Variants in NID1 observed in about 807,000 individuals in gnomAD.
NID1 encodes the protein nidogen-1.
A neutral mutation model predicts 130.6 loss-of-function variants in NID1; 76 were observed. That is an observed-to-expected ratio of 0.58 (90% CI 0.48 to 0.70). The LOEUF (loss-of-function observed/expected upper bound fraction) is 0.70, where lower values mean the gene tolerates loss of function less well. NID1 is among the 30% of genes least tolerant of loss of function. The pLI, the probability that NID1 is intolerant of heterozygous loss-of-function variation, is 0.00. For synonymous variants in NID1, 665 were observed against 675.1 expected (o/e 0.98, Z 0.23); for missense variants, 1,517 against 1,664.8 (o/e 0.91, Z 1.54).
chr1:236,059,245 G>A (rs1338191123), intron 1 of NID1, among the ~76,000 whole-genome samples: 1 of 152,104 alleles, frequency 6.6e-6, no homozygotes, highest in Non-Finnish European at 1.5e-5. Flanking sequence ...AATGTTTTTT[G>A]GGATGGCTTC....
At chr1:235,980,144 C>A (rs1231461348) in intron 17 of NID1, among the ~76,000 whole-genome samples, 199 bp from the exon 18 acceptor site, 1 of 152,158 alleles carries the variant, frequency 6.6e-6, no homozygotes, top group Admixed American at 6.6e-5. Context: ...GAGGCACGAG[C>A]CAGGGCAGAC....
At chr1:236,032,956 G>A (rs1659143231) in intron 5 of NID1, among the ~76,000 whole-genome samples, 1 of 152,158 alleles carries the variant, frequency 6.6e-6, no homozygotes, top group South Asian at 2.1e-4. Context: ...AATTTCAGAA[G>A]AAGAAGAATA....
At chr1:236,035,736 C>T (rs1007633912) in intron 5 of NID1, among the ~76,000 whole-genome samples, 4 of 152,168 alleles carry the variant, frequency 2.6e-5, no homozygotes, top group African/African-American at 9.7e-5. Context: ...TCCATACGCC[C>T]AAACGGCTCA....
intron 3 of NID1, among the ~76,000 whole-genome samples, 164 bp downstream of exon 3, chr1:236,045,293 A>G (rs184762332): frequency 6.2e-4 from 95 of 152,208 alleles, no homozygotes; most frequent in Non-Finnish European, 8.5e-4. Context: ...CTAAAAATAC[A>G]TTTCCTTAAG....
In NID1 at chr1:236,032,465, T is replaced by C. The variant is rs139667247; in HGVS notation, c.1473A>G (p.Gly491=). ...GYSLLPLAPV[G]GIIGWMFAVE... ...CTGCAAACATCCATCCAATGATGCC[T>C]CCAACTGGGGCCAGTGGAAGCAGAG... The change falls in exon 6 of 20, where the codon GGA becomes GGG. Residue 491 remains glycine (G), a synonymous_variant. Transcript: ENST00000264187. 2.5e-6 allele frequency: 4 copies of C among 1,614,150 alleles called. No individual in the cohort carries two copies. In the African/African-American group the frequency reaches 5.3e-5, roughly 22 times the overall value.
In NID1 at chr1:236,059,275, C is replaced by T. The variant is rs150354320; in HGVS notation, c.225+5580G>A. Among the ~76,000 whole-genome samples the T allele has an allele frequency of 5.9e-3, 898 of 152,034 alleles. 10 individuals carry two copies. The highest frequency in any genetic ancestry group is 0.02 in the African/African-American group (836 of 41,448). ...GGCTTCAAAGTTAGTGACTGGGTAG[C>T]TACAAAAAGCTGGAAAACAAAATGA... is the stretch of plus-strand genomic sequence containing the variant. On this transcript the variant is annotated intron_variant, in intron 1 of 19. Transcript: ENST00000264187.
chr1:236,026,603 A>G (rs1658937050), intron 7 of NID1, among the ~76,000 whole-genome samples: 1 of 152,270 alleles, frequency 6.6e-6, no homozygotes, highest in Non-Finnish European at 1.5e-5. Context: ...ATGTATGTGC[A>G]ATTTCTGGAA....
At chr1:236,064,699 C>G in intron 1 of NID1, 156 bp downstream of exon 1, 2 of 692,118 alleles carry the variant, frequency 2.9e-6, no homozygotes, top group Non-Finnish European at 5.0e-6. Context: ...CCTTCGCGGA[C>G]CCTGCAGAGG....
chr1:235,995,222 T>C (rs952246336), intron 12 of NID1, among the ~76,000 whole-genome samples: 1 of 152,244 alleles, frequency 6.6e-6, no homozygotes, highest in Non-Finnish European at 1.5e-5. Context: ...TCCTAAACAA[T>C]ACAACAACTT....
chr1:236,038,220 C>T lies in NID1; in HGVS notation c.1169G>A (p.Cys390Tyr). Residue 390 changes from cysteine (C) to tyrosine (Y), a missense_variant, in exon 5 of 20, where the codon TGT becomes TAT. By Grantham distance (194) the Cys-to-Tyr change is radical (BLOSUM62 -2). Transcript: ENST00000264187. ...CGAGCACTGGTGTCTGTTGTTAGCACACGTCTGGCGGGAATCCGTGTTATA... is the reference window on the plus strand; with the variant it reads ...CGAGCACTGGTGTCTGTTGTTAGCATACGTCTGGCGGGAATCCGTGTTATA... ...FSYNTDSRQT[C>Y]ANNRHQCSVH... The T allele has an allele frequency of 1.2e-6, 2 of 1,613,586 alleles. No individual in the cohort carries two copies. The highest frequency in any genetic ancestry group is 2.2e-5 in the South Asian group (2 of 91,036).
At chr1:236,005,531 C>A (rs1658223884) in intron 12 of NID1, among the ~76,000 whole-genome samples, 1 of 152,162 alleles carries the variant, frequency 6.6e-6, no homozygotes. Context: ...ATTTACCTTA[C>A]ATTTTGCTAT....
intron 12 of NID1, among the ~76,000 whole-genome samples, chr1:236,002,694 TC>T (rs1308986058): frequency 2.0e-5 from 3 of 152,136 alleles, no homozygotes; most frequent in Non-Finnish European, 4.4e-5. Context: ...CCTTTGTGCT[TC>T]CTGGGGTTAG....
At chr1:236,043,685 C>G (rs1021502416) in intron 3 of NID1, among the ~76,000 whole-genome samples, 6 of 152,072 alleles carry the variant, frequency 3.9e-5, no homozygotes, top group African/African-American at 1.4e-4. Flanking sequence ...GTAGTCCCAG[C>G]TGCTCGGGAC....
intron 7 of NID1, among the ~76,000 whole-genome samples, chr1:236,028,689 T>C (rs1163851323): frequency 7.1e-6 from 1 of 140,780 alleles, no homozygotes; most frequent in Admixed American, 6.9e-5. Flanking sequence ...TCAGTATACA[T>C]ATATATATAT....
At chr1:236,054,338 C>T (rs1015507417) in intron 1 of NID1, among the ~76,000 whole-genome samples, 3 of 152,086 alleles carry the variant, frequency 2.0e-5, no homozygotes, top group African/African-American at 7.2e-5. Flanking sequence ...TGCCTGTAAT[C>T]CCAGCTACTT....
intron 12 of NID1, among the ~76,000 whole-genome samples, chr1:235,998,692 G>A (rs901656612): frequency 1.1e-4 from 16 of 152,032 alleles, no homozygotes; most frequent in Non-Finnish European, 1.2e-4. Context: ...AAAAAATCTG[G>A]TTTTGTTCAC....
intron 9 of NID1, among the ~76,000 whole-genome samples, chr1:236,023,635 A>C (rs1427974755): frequency 1.0e-5 from 1 of 99,956 alleles, no homozygotes; most frequent in Non-Finnish European, 1.9e-5. Flanking sequence ...TTTACCGCAA[A>C]CAATTTTTTT....
intron 9 of NID1, among the ~76,000 whole-genome samples, chr1:236,021,590 C>T (rs149869032): frequency 1.4e-3 from 211 of 152,254 alleles, no homozygotes; most frequent in African/African-American, 4.8e-3. Context: ...GCATGATTCC[C>T]GAATTCTGAG....
chr1:236,015,821 C>A (rs138848347), intron 10 of NID1, among the ~76,000 whole-genome samples: 1 of 151,808 alleles, frequency 6.6e-6, no homozygotes, highest in Non-Finnish European at 1.5e-5. Flanking sequence ...GGAACTGAGC[C>A]CCAGAGAGGT....
Sources: allele counts gnomAD v4.1 joint callset (sites outside exome capture counted in the v4.1 genomes callset), GRCh38; gene constraint gnomAD v4.1.1; transcripts MANE v1.5; gene names NCBI Gene and HGNC (gene_info 2026-07-23, HGNC 2026-07-21).